The following MMEL1 variants were observed in gnomAD, a reference collection of about 807,000 sequenced individuals.
MMEL1 encodes membrane metallo-endopeptidase-like 1.
MMEL1 carries 98 observed loss-of-function variants against 117.1 expected under a neutral mutation model. That is an observed-to-expected ratio of 0.84 (90% CI 0.71 to 0.99). The LOEUF (loss-of-function observed/expected upper bound fraction) is 0.99. Among genes scored for constraint, MMEL1 ranks in the 50% least tolerant of loss-of-function variants. The pLI is 0.00. For synonymous variants in MMEL1, 390 were observed against 415.1 expected, an observed-to-expected ratio of 0.94 and a Z score of 0.74; for missense variants, 1,014 against 1,049.1, an observed-to-expected ratio of 0.97 and a Z score of 0.46.
chr1:2,598,860 A>G (rs2100933919), intron 11 of MMEL1, 70 bp from the exon 12 acceptor site: 1 of 1,366,724 alleles, frequency 7.3e-7, no homozygotes, highest in Non-Finnish European at 1.0e-6. Context: ...GGAATCTAAG[A>G]AACCCAGCCC....
chr1:2,591,497 A>G, intron 23 of MMEL1, 60 bp downstream of exon 23: 2 of 1,367,684 alleles, frequency 1.5e-6, no homozygotes, highest in Non-Finnish European at 2.1e-6. Flanking sequence ...TTTACAGGCC[A>G]CTGGGGTGGG....
At chr1:2,622,156 T>C (rs1645299282) in intron 2 of MMEL1, among the ~76,000 whole-genome samples, 1 of 152,196 alleles carries the variant, frequency 6.6e-6, no homozygotes, top group Non-Finnish European at 1.5e-5. Context: ...TTTGTGACTG[T>C]AGCCCAGGCA....
At position 2,595,105 on chromosome 1, in the gene MMEL1, C is replaced by T. The variant is rs1644812434; in HGVS notation, c.1584+171G>A. On this transcript the variant is annotated intron_variant, in intron 16 of 23. Coordinates refer to ENST00000378412, the MANE Select transcript of MMEL1 (RefSeq NM_033467.4). The surrounding 1 kb of genome is among the most constrained non-coding windows in gnomAD (Gnocchi z 4.8). ...CCTCGTCCCTCCAGGCCTCAGTTTC[C>T]CCATCTGTACACTGAGGGTAGTGCT... 6.6e-6 allele frequency among the ~76,000 whole-genome samples: 1 copy of T among 152,188 alleles called. No homozygotes were observed. Among genetic ancestry groups the T allele is most frequent in the South Asian group, 2.1e-4 (1 of 4,834 alleles).
intron 13 of MMEL1, among the ~76,000 whole-genome samples, chr1:2,597,843 G>C (rs1020812126): frequency 6.6e-6 from 1 of 152,116 alleles, no homozygotes; most frequent in Non-Finnish European, 1.5e-5. Flanking sequence ...GCTGACCACG[G>C]GTCCGGCCCC....
Position 2,594,397 on chromosome 1 carries a change from G to A in MMEL1, c.1735C>T (p.Arg579Ter), listed in dbSNP as rs141446701. Residue 579 changes from arginine (R) to a stop codon, truncating the protein, a stop_gained, in exon 18 of 24, where the codon CGA (arginine) becomes TGA (stop). Coordinates refer to ENST00000378412, the MANE Select transcript of MMEL1 (RefSeq NM_033467.4). LOFTEE classifies it high-confidence loss of function. The part of the protein sequence containing the change: ...AVVNAFYSPN[R>*]NQIVFPAGIL... ...GGGAGGAACTTACCAATCTGGTTTC[G>A]GTTTGGGGAGTAGAACGCATTGACC... The A allele has an allele frequency of 3.6e-5, 56 of 1,551,686 alleles. No individual in the cohort carries two copies. Among genetic ancestry groups the A allele is most frequent in the Non-Finnish European group, 4.6e-5 (53 of 1,147,022 alleles).
At chr1:2,629,292 G>A (rs1274546729) in intron 2 of MMEL1, 39 bp downstream of exon 2, 1 of 1,510,694 alleles carries the variant, frequency 6.6e-7, no homozygotes, top group Non-Finnish European at 8.8e-7. Context: ...CGCGGAGAGC[G>A]GGCACGGGGA....
chr1:2,597,742 G>A lies in MMEL1; in HGVS notation c.1272+465C>T, dbSNP rs930761571. On this transcript the variant is annotated intron_variant, in intron 13 of 23. Coordinates refer to ENST00000378412, the MANE Select transcript of MMEL1 (RefSeq NM_033467.4). ...GCGTCTCTGCTCTTAGCACCCCTGCGGCTTTCAGACAGGGAGTACAATCCA... is the reference window on the plus strand; with the variant it reads ...GCGTCTCTGCTCTTAGCACCCCTGCAGCTTTCAGACAGGGAGTACAATCCA... Among the ~76,000 whole-genome samples the A allele has an allele frequency of 5.3e-5, 8 of 152,156 alleles. No homozygotes were observed. The East Asian group carries it at 1.2e-3, about 22-fold the overall frequency.
Position 2,591,238 on chromosome 1 carries a change from C to T in MMEL1, c.2241-149G>A, listed in dbSNP as rs111427456. 217 of 607,460 alleles carry T rather than the reference C, an allele frequency of 3.6e-4. No homozygotes were observed. In the African/African-American group the frequency reaches 3.9e-3, roughly 11 times the overall value. 37.6% of individuals were successfully genotyped at this position (607,460 alleles called of 1,614,324 possible). A position where few individuals can be genotyped will look rare whatever the true frequency, so the allele number is the denominator to read the frequency against. On this transcript the variant is annotated intron_variant, in intron 23 of 23. Transcript: ENST00000378412. ...GAAACATTTCAACCATGAGATAAACCCCCATCTGACCAGAAACATGCCAAT... is the reference window on the plus strand; with the variant it reads ...GAAACATTTCAACCATGAGATAAACTCCCATCTGACCAGAAACATGCCAAT...
In MMEL1 at chr1:2,606,566, G is replaced by A. The variant is rs111354546; in HGVS notation, c.632-200C>T. 3.9e-3 allele frequency among the ~76,000 whole-genome samples: 594 copies of A among 152,302 alleles called. 7 individuals are homozygous for A. Among genetic ancestry groups the A allele is most frequent in the African/African-American group, 0.014 (574 of 41,580 alleles). On this transcript the variant is annotated intron_variant, in intron 7 of 23. Coordinates refer to ENST00000378412, the MANE Select transcript of MMEL1 (RefSeq NM_033467.4). ...GCCACAGGCGGGCCCCCAGGTGACCGGAGGGGGTTGGGAGCAGCATGGGGT... is the reference window on the plus strand; with the variant it reads ...GCCACAGGCGGGCCCCCAGGTGACCAGAGGGGGTTGGGAGCAGCATGGGGT...
chr1:2,632,092 C>G (rs573543708), intron 1 of MMEL1, among the ~76,000 whole-genome samples: 16 of 150,464 alleles, frequency 1.1e-4, no homozygotes, highest in South Asian at 2.1e-4. Context: ...TTTCTCCCCC[C>G]ACCCTCCCCA....
At chr1:2,592,067 C>T in intron 21 of MMEL1, 40 bp from the exon 22 acceptor site, 2 of 1,547,836 alleles carry the variant, frequency 1.3e-6, no homozygotes, top group South Asian at 1.1e-5. Flanking sequence ...GGCCTGCCAG[C>T]CTGGACTCCA....
intron 13 of MMEL1, 46 bp downstream of exon 13, chr1:2,598,161 G>A: frequency 6.5e-7 from 1 of 1,550,254 alleles, no homozygotes; most frequent in Non-Finnish European, 8.9e-7. Flanking sequence ...ATCGTGGCCT[G>A]AATGAATGAG....
In MMEL1 at chr1:2,612,161, C is replaced by T. The variant is rs2100950828; in HGVS notation, c.198G>A (p.Gln66=). The change falls in exon 3 of 24, where the codon CAG becomes CAA. Residue 66 remains glutamine (Q), a synonymous_variant. Transcript: ENST00000378412. The surrounding 1 kb of genome is among the most constrained non-coding windows in gnomAD (Gnocchi z 5.4). ...PRLASRLCFL[Q]EERTFVKRKP... ...TTCGTTTTACAAAGGTCCTCTCCTC[C>T]TGTAAGAAGCACAGCCGGCTAGCAA... 6.3e-7 allele frequency: 1 copy of T among 1,582,428 alleles called. No homozygotes were observed. The highest frequency in any genetic ancestry group is 8.6e-7 in the Non-Finnish European group (1 of 1,162,944).
chr1:2,617,593 C>T (rs1021235769), intron 2 of MMEL1, among the ~76,000 whole-genome samples: 3 of 152,144 alleles, frequency 2.0e-5, no homozygotes, highest in African/African-American at 7.2e-5. Flanking sequence ...GAGCGAGATT[C>T]TATCTCAAAA....
At chr1:2,627,934 T>TG (rs1638346801) in intron 2 of MMEL1, among the ~76,000 whole-genome samples, 1 of 152,040 alleles carries the variant, frequency 6.6e-6, no homozygotes, top group African/African-American at 2.4e-5. Flanking sequence ...CATGGCACCG[T>TG]GGGGCACTCC....
chr1:2,595,224 G>A lies in MMEL1; in HGVS notation c.1584+52C>T. ...CACAGAGGAGCCCCCAGGCAATCAG[G>A]GCCCATGTCCACGGTGTGGGGGGCA... On this transcript the variant is annotated intron_variant, in intron 16 of 23. Coordinates refer to ENST00000378412, the MANE Select transcript of MMEL1 (RefSeq NM_033467.4). The surrounding 1 kb of genome is among the most constrained non-coding windows in gnomAD (Gnocchi z 4.8). 1 of 1,521,118 alleles carries A rather than the reference G, an allele frequency of 6.6e-7. No individual in the cohort carries two copies. The highest frequency in any genetic ancestry group is 9.1e-7 in the Non-Finnish European group (1 of 1,100,556). 94.2% of individuals were successfully genotyped at this position (1,521,118 alleles called of 1,614,324 possible).
intron 10 of MMEL1, 27 bp downstream of exon 10, chr1:2,604,120 G>GCGGGCC: frequency 7.5e-6 from 10 of 1,330,070 alleles, no homozygotes; most frequent in African/African-American, 1.4e-5. Flanking sequence ...CTCGCTGCCC[G>GCGGGCC]CTCCCCACCC....
chr1:2,622,173 G>T (rs1453490785), intron 2 of MMEL1, among the ~76,000 whole-genome samples: 1 of 152,218 alleles, frequency 6.6e-6, no homozygotes, highest in East Asian at 1.9e-4. Flanking sequence ...GGCAAACTGA[G>T]GGAGGGCCCA....
rs573653658 is a variant in MMEL1 at position 2,632,601 on chromosome 1, G to A, written c.-38+265C>T. ...GCAGGTGTGGAGTGTCTGCTGAGGC[G>A]AAGGCACTGCGGCTCCCTGGGGACA... On this transcript the variant is annotated intron_variant, in intron 1 of 23. Transcript: ENST00000378412. The A allele has an allele frequency of 1.2e-3, 229 of 185,318 alleles. 3 individuals are homozygous for A. The highest frequency in any genetic ancestry group is 1.5e-4 in the Non-Finnish European group (13 of 85,386). 11.5% of individuals were successfully genotyped at this position (185,318 alleles called of 1,614,324 possible). A position where few individuals can be genotyped will look rare whatever the true frequency, so the allele number is the denominator to read the frequency against.
Sources: gnomAD v4.1 joint callset for allele counts (sites outside exome capture counted in the v4.1 genomes callset) on GRCh38, gnomAD v4.1.1 for gene constraint, Gnocchi (gnomAD v3.1) non-coding constraint, MANE v1.5 for transcripts, NCBI Gene and HGNC (gene_info 2026-07-23, HGNC 2026-07-21) for gene names.